Variants in MBD5 observed in about 807,000 individuals in gnomAD.
MBD5 encodes methyl-CpG-binding domain protein 5.
In MBD5, 13 loss-of-function variants were observed where a neutral mutation model predicts 117.3. That is an observed-to-expected ratio of 0.11 (90% CI 0.07 to 0.18). MBD5 has a LOEUF of 0.18. Ranked by LOEUF, MBD5 falls within the 10% of genes least tolerant of loss-of-function variation. The pLI is 1.00. For missense variants in MBD5, 1,879 were observed against 2,093.8 expected (o/e 0.90, Z 2.00); for synonymous variants, 727 against 766.4 (o/e 0.95, Z 0.85).
intron 8 of MBD5, among the ~76,000 whole-genome samples, chr2:148,477,855 A>AGG (rs1681021068): frequency 6.6e-6 from 1 of 152,194 alleles, no homozygotes; most frequent in African/African-American, 2.4e-5. Flanking sequence ...TTTTATAGAT[A>AGG]AAAATCAGTG....
chr2:148,397,153 ATTTTT>A (rs1200972081), intron 4 of MBD5, among the ~76,000 whole-genome samples: 1 of 151,900 alleles, frequency 6.6e-6, no homozygotes, highest in Admixed American at 6.6e-5. Flanking sequence ...ATCTCTATGA[ATTTTT>A]TTTAAGTGTG....
At chr2:148,322,679 G>A (rs1702313234) in intron 3 of MBD5, among the ~76,000 whole-genome samples, 1 of 151,978 alleles carries the variant, frequency 6.6e-6, no homozygotes. Flanking sequence ...TTACGGAATT[G>A]CTTTTGTTCC....
intron 3 of MBD5, among the ~76,000 whole-genome samples, chr2:148,322,836 CTTTA>C (rs1206924879): frequency 1.3e-5 from 2 of 151,606 alleles, no homozygotes; most frequent in African/African-American, 2.4e-5. Context: ...TTATATATAT[CTTTA>C]TTTATTTATT....
At chr2:148,078,621 T>C (rs1397165943) in intron 1 of MBD5, among the ~76,000 whole-genome samples, 1 of 152,216 alleles carries the variant, frequency 6.6e-6, no homozygotes, top group Non-Finnish European at 1.5e-5. Flanking sequence ...TACCATTATA[T>C]AACAAGGTCG....
At chr2:148,305,078 T>A (rs983071530) in intron 3 of MBD5, among the ~76,000 whole-genome samples, 115 of 139,526 alleles carry the variant, frequency 8.2e-4, no homozygotes, top group Middle Eastern at 3.5e-3. Flanking sequence ...AAAAAAAAAA[T>A]AAAATAAAAT....
chr2:148,157,567 A>C (rs1305041967), intron 1 of MBD5, among the ~76,000 whole-genome samples: 1 of 152,144 alleles, frequency 6.6e-6, no homozygotes, highest in Non-Finnish European at 1.5e-5. Context: ...CCGCCATAAA[A>C]ACTACTACAA....
At chr2:148,083,177 A>G (rs999853978) in intron 1 of MBD5, among the ~76,000 whole-genome samples, 3 of 152,210 alleles carry the variant, frequency 2.0e-5, no homozygotes, top group Admixed American at 1.3e-4. Flanking sequence ...TAACCATCCA[A>G]TATTTCTGCT....
chr2:148,309,599 T>C (rs1701979647), intron 3 of MBD5, among the ~76,000 whole-genome samples: 1 of 152,190 alleles, frequency 6.6e-6, no homozygotes, highest in African/African-American at 2.4e-5. Context: ...ACAGAGACAA[T>C]TTGACTTCCT....
At chr2:148,368,565 C>A (rs1289855446) in intron 4 of MBD5, among the ~76,000 whole-genome samples, 1 of 152,142 alleles carries the variant, frequency 6.6e-6, no homozygotes, top group African/African-American at 2.4e-5. Flanking sequence ...TCTGCTCTTA[C>A]TAATTCTTGG....
At chr2:148,074,696 G>A (rs901313098) in intron 1 of MBD5, among the ~76,000 whole-genome samples, 2 of 151,896 alleles carry the variant, frequency 1.3e-5, no homozygotes, top group Non-Finnish European at 2.9e-5. Context: ...TAGAGACGGG[G>A]TTTCACCATC....
At chr2:148,470,685 A>G (rs973016321) in intron 8 of MBD5, 38 of 531,474 alleles carry the variant, frequency 7.1e-5, no homozygotes, top group Non-Finnish European at 1.2e-4. Flanking sequence ...ATTTGTTGTC[A>G]ATCTGTGTCA....
chr2:148,188,530 T>TA (rs1218291003), intron 2 of MBD5, among the ~76,000 whole-genome samples: 1 of 151,090 alleles, frequency 6.6e-6, no homozygotes, highest in Non-Finnish European at 1.5e-5. Flanking sequence ...TACAAAAAAT[T>TA]AAAAAATTAG....
chr2:148,322,692 A>C (rs113391178), intron 3 of MBD5, among the ~76,000 whole-genome samples: 1 of 152,188 alleles, frequency 6.6e-6, no homozygotes, highest in African/African-American at 2.4e-5. Flanking sequence ...TTTGTTCCAC[A>C]CTATTTTGAA....
At chr2:148,462,518 C>CT in intron 5 of MBD5, 64 bp from the exon 6 acceptor site, 1 of 1,083,870 alleles carries the variant, frequency 9.2e-7, no homozygotes, top group Admixed American at 1.7e-5. Flanking sequence ...TAAATTATGC[C>CT]TTTTTTCATA....
At chr2:148,103,895 C>T (rs973858436) in intron 1 of MBD5, among the ~76,000 whole-genome samples, 1 of 152,008 alleles carries the variant, frequency 6.6e-6, no homozygotes. Context: ...AATTTAAATT[C>T]CTACTCCTTA....
At chr2:148,324,083 C>T (rs1476104152) in intron 3 of MBD5, among the ~76,000 whole-genome samples, 1 of 152,164 alleles carries the variant, frequency 6.6e-6, no homozygotes, top group Non-Finnish European at 1.5e-5. Flanking sequence ...TTCCCAGCAC[C>T]ATTTATTAAA....
At chr2:148,307,123 G>A (rs1307616468) in intron 3 of MBD5, among the ~76,000 whole-genome samples, 1 of 152,062 alleles carries the variant, frequency 6.6e-6, no homozygotes, top group Admixed American at 6.6e-5. Flanking sequence ...ACAATACTTA[G>A]TTGTTTATTT....
At chr2:148,481,106 C>T (rs551474948) in intron 8 of MBD5, among the ~76,000 whole-genome samples, 27 of 152,066 alleles carry the variant, frequency 1.8e-4, no homozygotes, top group African/African-American at 2.4e-4. Flanking sequence ...ATGCCAATTA[C>T]GAAATTTTTT....
intron 4 of MBD5, among the ~76,000 whole-genome samples, chr2:148,399,563 T>G (rs972459918): frequency 8.5e-5 from 13 of 152,138 alleles, no homozygotes; most frequent in Admixed American, 2.0e-4. Context: ...GCTGAGACGA[T>G]GGGGTTTTCT....
Sources: gnomAD v4.1 joint callset for allele counts (sites outside exome capture counted in the v4.1 genomes callset) on GRCh38, gnomAD v4.1.1 for gene constraint, MANE v1.5 for transcripts, NCBI Gene and HGNC (gene_info 2026-07-23, HGNC 2026-07-21) for gene names.